TRPM2: variants seen among roughly 807,000 people sequenced by gnomAD.
TRPM2 encodes the protein estrogen-responsive element-associated gene 1 protein.
TRPM2 carries 161 observed loss-of-function variants against 174.0 expected under a neutral mutation model. That is an observed-to-expected ratio of 0.93 (90% CI 0.81 to 1.05). The LOEUF is 1.05. TRPM2 is among the 50% of genes least tolerant of loss of function. TRPM2 has a pLI of 0.00. For missense variants in TRPM2, 2,057 were observed against 2,038.0 expected (o/e 1.01, Z -0.18); for synonymous variants, 954 against 861.3 (o/e 1.11, Z -1.88).
Position 44,375,941 on chromosome 21 carries a change from C to T in TRPM2, c.880C>T (p.Gln294Ter), listed in dbSNP as rs778856251. The T allele has an allele frequency of 1.9e-6, 3 of 1,614,080 alleles. No individual in the cohort carries two copies. In the South Asian group the frequency reaches 3.3e-5, roughly 18 times the overall value. ...CCTCGTGGACGACGGGACCCACGGC[C>T]AGTACGGGGTGGAGATTCCTCTGAG... is the stretch of plus-strand genomic sequence containing the variant. Reference protein sequence around the residue: ...FILVDDGTHGQYGVEIPLRTR... With the variant: ...FILVDDGTHG Residue 294 changes from glutamine (Q) to a stop codon, truncating the protein, a stop_gained, in exon 6 of 32, where the codon CAG becomes TAG. Coordinates refer to ENST00000397928, the MANE Select transcript of TRPM2 (RefSeq NM_003307.4). LOFTEE classifies it high-confidence loss of function.
intron 22 of TRPM2, among the ~76,000 whole-genome samples, chr21:44,419,358 T>G (rs2050428976): frequency 6.6e-6 from 1 of 152,098 alleles, no homozygotes; most frequent in African/African-American, 2.4e-5. Flanking sequence ...TCCCTCACCT[T>G]GTCTGTAAGA....
rs992018570 is a variant in TRPM2 at position 44,437,613 on chromosome 21, G to A, written c.4167+446G>A. On this transcript the variant is annotated intron_variant, in intron 29 of 31. Coordinates refer to ENST00000397928, the MANE Select transcript of TRPM2 (RefSeq NM_003307.4). Reference sequence around the variant, plus strand: ...GGGGCAGGTACAGGAGTAGGGGCAGGGGCAGCGACAGGGGTAGGTAGGGCC... The same window carrying A: ...GGGGCAGGTACAGGAGTAGGGGCAGAGGCAGCGACAGGGGTAGGTAGGGCC... 3.3e-5 allele frequency among the ~76,000 whole-genome samples: 5 copies of A among 152,272 alleles called. No homozygotes were observed. In the South Asian group the frequency reaches 8.3e-4, roughly 25 times the overall value.
chr21:44,384,780 AAGT>A (rs1338892934), intron 9 of TRPM2, among the ~76,000 whole-genome samples: 7 of 152,218 alleles, frequency 4.6e-5, no homozygotes, highest in Non-Finnish European at 1.0e-4. Flanking sequence ...ATAGACCTAT[AAGT>A]AGTAAGGAGA....
chr21:44,420,261 C>G (rs2050502845), intron 22 of TRPM2, among the ~76,000 whole-genome samples: 1 of 152,080 alleles, frequency 6.6e-6, no homozygotes, highest in African/African-American at 2.4e-5. Flanking sequence ...CTCCACCCAC[C>G]CTGTCCCCAT....
intron 6 of TRPM2, among the ~76,000 whole-genome samples, chr21:44,377,510 CT>C (rs1324240929): frequency 1.3e-5 from 2 of 152,236 alleles, no homozygotes; most frequent in Non-Finnish European, 2.9e-5. Flanking sequence ...CGACTCAGCA[CT>C]GGCAAGAGGC....
In TRPM2 at chr21:44,401,735, C is replaced by T. The variant is rs1228659456; in HGVS notation, c.2376C>T (p.Phe792=). The T allele has an allele frequency of 1.2e-6, 2 of 1,613,476 alleles. No individual in the cohort carries two copies. Among genetic ancestry groups the T allele is most frequent in the Non-Finnish European group, 1.7e-6 (2 of 1,180,006 alleles). ...CCGCGGCCCGCGCCCGTGCCTTCTT[C>T]ACCGCACCCGTGGTGGTCTTCCACC... is the stretch of plus-strand genomic sequence containing the variant. ...GTPAARARAF[F]TAPVVVFHLN... Residue 792 remains phenylalanine (F), a synonymous_variant, in exon 16 of 32, where the codon TTC becomes TTT. Coordinates refer to ENST00000397928, the MANE Select transcript of TRPM2 (RefSeq NM_003307.4).
chr21:44,401,937 C>T, intron 16 of TRPM2, 40 bp downstream of exon 16: 3 of 1,606,180 alleles, frequency 1.9e-6, no homozygotes, highest in South Asian at 1.1e-5. Context: ...AGCCCGGGGC[C>T]ACCCACTTGG....
At chr21:44,406,323 A>G (rs896800291) in intron 18 of TRPM2, among the ~76,000 whole-genome samples, 1 of 148,414 alleles carries the variant, frequency 6.7e-6, no homozygotes, top group Non-Finnish European at 1.5e-5. Flanking sequence ...GTCTGACCGC[A>G]CTCATTCCTG....
chr21:44,406,877 G>T, intron 19 of TRPM2, 112 bp downstream of exon 19: 2 of 1,358,052 alleles, frequency 1.5e-6, no homozygotes, highest in Non-Finnish European at 2.0e-6. Context: ...GGGTCCTGCG[G>T]TTCCCACCTG....
chr21:44,411,400 A>G (rs1038392149), intron 19 of TRPM2, among the ~76,000 whole-genome samples: 2 of 152,138 alleles, frequency 1.3e-5, no homozygotes, highest in African/African-American at 4.8e-5. Context: ...CAAATTGTTA[A>G]TGACTGGTAT....
chr21:44,365,976 G>A (rs1371073660), intron 3 of TRPM2, among the ~76,000 whole-genome samples: 1 of 152,194 alleles, frequency 6.6e-6, no homozygotes, highest in East Asian at 1.9e-4. Flanking sequence ...TGTTTTGAGG[G>A]CACCTAATGG....
At chr21:44,379,261 G>A (rs540231155) in intron 8 of TRPM2, 64 bp downstream of exon 8, 2 of 1,571,736 alleles carry the variant, frequency 1.3e-6, no homozygotes, top group Non-Finnish European at 1.7e-6. Context: ...TGTCAGCCTG[G>A]TGGGCAGGAC....
chr21:44,367,498 A>T lies in TRPM2; in HGVS notation c.604+564A>T, dbSNP rs1056861144. Among the ~76,000 whole-genome samples, 1 of 152,180 alleles carries T rather than the reference A, an allele frequency of 6.6e-6. No individual in the cohort carries two copies. The highest frequency in any genetic ancestry group is 2.4e-5 in the African/African-American group (1 of 41,456). On this transcript the variant is annotated intron_variant, in intron 4 of 31. Coordinates refer to ENST00000397928, the MANE Select transcript of TRPM2 (RefSeq NM_003307.4). The surrounding 1 kb of genome is among the most constrained non-coding windows in gnomAD (Gnocchi z 4.6). ...CTCCCAAGGTTGCACCACTGGTGAGAGCCAGGCAGGGACCCAGTCCTGGTG... is the reference window on the plus strand; with the variant it reads ...CTCCCAAGGTTGCACCACTGGTGAGTGCCAGGCAGGGACCCAGTCCTGGTG...
intron 11 of TRPM2, among the ~76,000 whole-genome samples, chr21:44,393,904 C>T (rs2049258588): frequency 6.6e-6 from 1 of 151,994 alleles, no homozygotes; most frequent in African/African-American, 2.4e-5. Context: ...CAAAGTTTTG[C>T]TCTTGTTGCC....
At chr21:44,360,676 C>T (rs1335257095) in intron 2 of TRPM2, among the ~76,000 whole-genome samples, 1 of 151,724 alleles carries the variant, frequency 6.6e-6, no homozygotes, top group East Asian at 1.9e-4. Flanking sequence ...AAGCAATTCT[C>T]CTGCCTCAGC....
chr21:44,424,927 G>T lies in TRPM2; in HGVS notation c.3625G>T (p.Val1209Phe), dbSNP rs755880005. Reference sequence around the variant, plus strand: ...CAGCGGCTTCAGCTCGGAGGCGGACGTCCCCACTCTGGGTGAGTGGGTGGC... The same window carrying T: ...CAGCGGCTTCAGCTCGGAGGCGGACTTCCCCACTCTGGGTGAGTGGGTGGC... ...RASGFSSEAD[V>F]PTLASQKAAE... is the part of the protein sequence containing the mutation. Residue 1209 changes from valine (V) to phenylalanine (F), a missense_variant, in exon 24 of 32, where the codon GTC (valine) becomes TTC (phenylalanine). By Grantham distance (50) the Val-to-Phe change is conservative. Transcript: ENST00000397928. The T allele has an allele frequency of 1.2e-6, 2 of 1,604,530 alleles. No individual in the cohort carries two copies. Among genetic ancestry groups the T allele is most frequent in the African/African-American group, 2.7e-5 (2 of 74,922 alleles).
chr21:44,357,093 G>A (rs2048082548), intron 2 of TRPM2, among the ~76,000 whole-genome samples: 1 of 152,154 alleles, frequency 6.6e-6, no homozygotes, highest in African/African-American at 2.4e-5. Context: ...CTCATCCTGT[G>A]ACTTAGAATG....
rs535827847 is a variant in TRPM2 at position 44,401,739 on chromosome 21, G to A, written c.2380G>A (p.Ala794Thr). 2.3e-4 allele frequency: 377 copies of A among 1,613,506 alleles called. 6 individuals are homozygous for A. In the South Asian group the frequency reaches 3.8e-3, roughly 16 times the overall value. ...GGCCCGCGCCCGTGCCTTCTTCACC[G>A]CACCCGTGGTGGTCTTCCACCTGAA... ...PAARARAFFT[A>T]PVVVFHLNIL... Residue 794 changes from alanine to threonine, a missense_variant, in exon 16 of 32, where the codon GCA (alanine) becomes ACA (threonine). Physicochemically the swap from Ala to Thr is moderately conservative, Grantham distance 58. Coordinates refer to ENST00000397928, the MANE Select transcript of TRPM2 (RefSeq NM_003307.4).
rs762666791 is a variant in TRPM2 at position 44,366,760 on chromosome 21, C to T, written c.430C>T (p.Arg144Ter). The change falls in exon 4 of 32, where the codon CGA becomes TGA. Residue 144 changes from arginine to a stop codon, truncating the protein, a stop_gained. Transcript: ENST00000397928. LOFTEE classifies it high-confidence loss of function. The surrounding 1 kb of genome is among the most constrained non-coding windows in gnomAD (Gnocchi z 6.0). Reference sequence around the variant, plus strand: ...CGTTTTCCCTTTCCCGCAGTACGTCCGAGTCTCCCAGGACACGCCCTCCAG... The same window carrying T: ...CGTTTTCCCTTTCCCGCAGTACGTCTGAGTCTCCCAGGACACGCCCTCCAG... ...GLSQKVKKYV[R>*]VSQDTPSSVI... The T allele has an allele frequency of 1.7e-5, 28 of 1,613,866 alleles. No homozygotes were observed. The highest frequency in any genetic ancestry group is 1.0e-4 in the Admixed American group (6 of 59,984).
Sources: gnomAD v4.1 joint callset for allele counts (sites outside exome capture counted in the v4.1 genomes callset) on GRCh38, gnomAD v4.1.1 for gene constraint, Gnocchi (gnomAD v3.1) non-coding constraint, MANE v1.5 for transcripts, NCBI Gene and HGNC (gene_info 2026-07-23, HGNC 2026-07-21) for gene names.